The following AGAP1 variants were observed in gnomAD, a reference collection of about 807,000 sequenced individuals.
The protein encoded by AGAP1 is arf-GAP with GTPase, ANK repeat and PH domain-containing protein 1.
AGAP1 carries 29 observed loss-of-function variants against 105.3 expected under a neutral mutation model. The observed-to-expected ratio is 0.28, with a 90% CI of 0.21 to 0.38. AGAP1 has a LOEUF of 0.38. AGAP1 is among the 10% of genes least tolerant of loss of function. The pLI is 1.00. For missense variants in AGAP1, 998 were observed against 1,165.1 expected, an observed-to-expected ratio of 0.86 and a Z score of 2.09; for synonymous variants, 509 against 485.9, an observed-to-expected ratio of 1.05 and a Z score of -0.63.
chr2:235,562,942 C>T (rs1944211742), intron 1 of AGAP1, among the ~76,000 whole-genome samples: 1 of 152,032 alleles, frequency 6.6e-6, no homozygotes, highest in Admixed American at 6.6e-5. Context: ...CGCCTGTAGT[C>T]CCAGCTACTC....
chr2:235,930,889 G>C lies in AGAP1; in HGVS notation c.1449G>C (p.Glu483Asp), dbSNP rs576604058. The change falls in exon 12 of 18, where the codon GAG (glutamate) becomes GAC (aspartate). Residue 483 changes from glutamate to aspartate, a missense_variant. Physicochemically the swap from Glu to Asp is conservative, Grantham distance 45 (BLOSUM62 2). Transcript: ENST00000304032. The surrounding 1 kb of genome is among the most constrained non-coding windows in gnomAD (Gnocchi z 7.9). ...YSVSSADQWS[E>D]ATVIANSAIS... The stretch of plus-strand genomic sequence containing the variant: ...TCTCCAGTGCCGACCAGTGGAGTGA[G>C]GCTACGGTCATTGCAAACTCGGCCA... The C allele has an allele frequency of 2.5e-6, 4 of 1,614,088 alleles. No homozygotes were observed. The African/African-American group carries it at 5.3e-5, about 22-fold the overall frequency.
rs537131166 is a variant in AGAP1 at position 235,687,160 on chromosome 2, TC to T, written c.164-22018del. The stretch of plus-strand genomic sequence containing the variant: ...GTCCAATGAAGGGATGCACCCTAGC[TC>T]TAAAAGTAAACATTGTTCTCAACAG... On this transcript the variant is annotated intron_variant, in intron 1 of 17. Coordinates refer to ENST00000304032, the MANE Select transcript of AGAP1 (RefSeq NM_001037131.3). Among the ~76,000 whole-genome samples, 165 of 152,314 alleles carry T rather than the reference TC, an allele frequency of 1.1e-3. 1 individual carries two copies. The South Asian group carries it at 0.013, about 12-fold the overall frequency.
At chr2:235,661,522 G>A (rs1947952310) in intron 1 of AGAP1, among the ~76,000 whole-genome samples, 1 of 143,924 alleles carries the variant, frequency 6.9e-6, no homozygotes, top group Non-Finnish European at 1.5e-5. Context: ...GGGCTGGCCA[G>A]GGCTGTGGGG....
intron 9 of AGAP1, among the ~76,000 whole-genome samples, chr2:235,809,096 T>TTGATTTGGG (rs770327721): frequency 3.9e-5 from 6 of 151,964 alleles, no homozygotes; most frequent in African/African-American, 1.4e-4. Flanking sequence ...CTGTCTGTGG[T>TTGATTTGGG]TGATTTGGGT....
At chr2:235,852,717 C>T (rs1575616471) in intron 9 of AGAP1, 2 of 1,529,788 alleles carry the variant, frequency 1.3e-6, no homozygotes, top group Non-Finnish European at 1.8e-6. Context: ...GCACTGACAG[C>T]CAGCACTTAT....
chr2:236,023,701 A>G (rs2125610152), intron 13 of AGAP1, among the ~76,000 whole-genome samples: 1 of 152,144 alleles, frequency 6.6e-6, no homozygotes, highest in Non-Finnish European at 1.5e-5. Flanking sequence ...TGTACAGCAA[A>G]CATGCCCGTC....
At chr2:235,590,603 C>T (rs1400903404) in intron 1 of AGAP1, among the ~76,000 whole-genome samples, 2 of 151,812 alleles carry the variant, frequency 1.3e-5, no homozygotes, top group African/African-American at 2.4e-5. Flanking sequence ...ATAACAGAAC[C>T]TGCCAGGATA....
chr2:235,634,972 C>A (rs375149062), intron 1 of AGAP1, among the ~76,000 whole-genome samples: 8 of 152,068 alleles, frequency 5.3e-5, no homozygotes, highest in African/African-American at 7.2e-5. Flanking sequence ...CAGCCTCCCC[C>A]CCGCTGTAGA....
chr2:235,908,688 A>T lies in AGAP1; in HGVS notation c.1156-50A>T. 1.4e-6 allele frequency: 2 copies of T among 1,409,740 alleles called. No homozygotes were observed. Among genetic ancestry groups the T allele is most frequent in the Non-Finnish European group, 1.9e-6 (2 of 1,037,564 alleles). The allele number at this position is 1,409,740 out of a possible 1,614,324, so 87.3% of individuals were successfully genotyped here. A position where few individuals can be genotyped will look rare whatever the true frequency, so the allele number is the denominator to read the frequency against. ...AGACCCTTTTGTTCTAGGTTGTAAAAGGTCTTTTTTTTTTTTTTATCTCTC... is the reference window on the plus strand; with the variant it reads ...AGACCCTTTTGTTCTAGGTTGTAAATGGTCTTTTTTTTTTTTTTATCTCTC... On this transcript the variant is annotated intron_variant, in intron 10 of 17. Transcript: ENST00000304032. The surrounding 1 kb of genome is among the most constrained non-coding windows in gnomAD (Gnocchi z 4.4).
At chr2:236,117,928 C>T (rs1204568533) in intron 16 of AGAP1, among the ~76,000 whole-genome samples, 4 of 152,014 alleles carry the variant, frequency 2.6e-5, no homozygotes, top group African/African-American at 4.8e-5. Context: ...TTGTGGGGGC[C>T]GGTGTCAGTT....
intron 1 of AGAP1, among the ~76,000 whole-genome samples, chr2:235,648,210 C>A (rs1290507390): frequency 6.6e-6 from 1 of 152,206 alleles, no homozygotes; most frequent in Non-Finnish European, 1.5e-5. Flanking sequence ...TTATCCCCAG[C>A]TACCTGCCCC....
At chr2:235,704,978 T>TC (rs1559373920) in intron 1 of AGAP1, among the ~76,000 whole-genome samples, 1 of 129,332 alleles carries the variant, frequency 7.7e-6, no homozygotes, top group Non-Finnish European at 1.7e-5. Context: ...TCTTTTTTTT[T>TC]TTTTTTTTTT....
rs556707885 is a variant in AGAP1, at chr2:235,930,252, G to T, written c.1325-513G>T. On this transcript the variant is annotated intron_variant, in intron 11 of 17. Transcript: ENST00000304032. The surrounding 1 kb of genome is among the most constrained non-coding windows in gnomAD (Gnocchi z 7.9). ...TGGTTGAAGAGCCTGCATTTCCTCC[G>T]TGTCGTGTCTAGGGACTTTGATTTG... Among the ~76,000 whole-genome samples the T allele has an allele frequency of 6.6e-6, 1 of 151,576 alleles. No homozygotes were observed. Among genetic ancestry groups the T allele is most frequent in the Non-Finnish European group, 1.5e-5 (1 of 67,522 alleles).
At chr2:236,022,440 T>C (rs1399366881) in intron 13 of AGAP1, among the ~76,000 whole-genome samples, 1 of 152,230 alleles carries the variant, frequency 6.6e-6, no homozygotes, top group African/African-American at 2.4e-5. Flanking sequence ...TTTGTTTTTG[T>C]TTAAAATTAA....
Position 235,960,042 on chromosome 2 carries a change from G to A in AGAP1, c.1484-8420G>A, listed in dbSNP as rs2054116543. On this transcript the variant is annotated intron_variant, in intron 12 of 17. Coordinates refer to ENST00000304032, the MANE Select transcript of AGAP1 (RefSeq NM_001037131.3). This position sits in a 1 kb window ranked among gnomAD's most constrained non-coding sequence, Gnocchi z 4.9. ...CCGTGGCAGGAGAACGCAGTGGGCA[G>A]AGACGCACCCTGCCCTGCCTGCAGC... 6.6e-6 allele frequency among the ~76,000 whole-genome samples: 1 copy of A among 152,204 alleles called. No individual in the cohort carries two copies. Among genetic ancestry groups the A allele is most frequent in the Non-Finnish European group, 1.5e-5 (1 of 68,028 alleles).
At chr2:235,509,345 C>A (rs1941969014) in intron 1 of AGAP1, among the ~76,000 whole-genome samples, 1 of 152,100 alleles carries the variant, frequency 6.6e-6, no homozygotes, top group South Asian at 2.1e-4. Flanking sequence ...AGCAATTCTC[C>A]TTCCTCAGCC....
intron 1 of AGAP1, among the ~76,000 whole-genome samples, chr2:235,675,904 T>TCAA (rs1948711461): frequency 6.6e-6 from 1 of 152,198 alleles, no homozygotes; most frequent in Non-Finnish European, 1.5e-5. Flanking sequence ...GGGGGAATGT[T>TCAA]CAAAAGTACA....
Position 235,879,116 on chromosome 2 carries a change from C to T in AGAP1, c.1051-4229C>T, listed in dbSNP as rs1014317530. Among the ~76,000 whole-genome samples, 2 of 152,220 alleles carry T rather than the reference C, an allele frequency of 1.3e-5. No individual in the cohort carries two copies. The highest frequency in any genetic ancestry group is 1.9e-4 in the East Asian group (1 of 5,194). On this transcript the variant is annotated intron_variant, in intron 9 of 17. Transcript: ENST00000304032. The surrounding 1 kb of genome is among the most constrained non-coding windows in gnomAD (Gnocchi z 5.0). Reference sequence around the variant, plus strand: ...CAGGAGAGCTGGCCCTGCCACATTCCGTTAGCTAACAAGACACTTCCCCTG... The same window carrying T: ...CAGGAGAGCTGGCCCTGCCACATTCTGTTAGCTAACAAGACACTTCCCCTG...
chr2:235,874,953 T>G lies in AGAP1; in HGVS notation c.1051-8392T>G, dbSNP rs2049639529. Among the ~76,000 whole-genome samples the G allele has an allele frequency of 6.6e-6, 1 of 152,134 alleles. No homozygotes were observed. The highest frequency in any genetic ancestry group is 2.4e-5 in the African/African-American group (1 of 41,430). On this transcript the variant is annotated intron_variant, in intron 9 of 17. Coordinates refer to ENST00000304032, the MANE Select transcript of AGAP1 (RefSeq NM_001037131.3). This position sits in a 1 kb window ranked among gnomAD's most constrained non-coding sequence, Gnocchi z 4.5. ...CATTTCCATTAGATAGGCAGTAACC[T>G]CTTGTGAAGCGGAAGCAAACTAGAA...
Sources: allele counts gnomAD v4.1 joint callset (sites outside exome capture counted in the v4.1 genomes callset), GRCh38; gene constraint gnomAD v4.1.1; non-coding constraint Gnocchi (gnomAD v3.1); transcripts MANE v1.5; gene names NCBI Gene and HGNC (gene_info 2026-07-23, HGNC 2026-07-21).